The following DIAPH1 variants were observed in gnomAD, a reference collection of about 807,000 sequenced individuals.
DIAPH1 encodes diaphanous related formin 1.
In DIAPH1, 46 loss-of-function variants were observed where a neutral mutation model predicts 140.7. The observed-to-expected ratio is 0.33, with a 90% CI of 0.26 to 0.42. The LOEUF (loss-of-function observed/expected upper bound fraction) is 0.42, where lower values mean the gene tolerates loss of function less well. Among genes scored for constraint, DIAPH1 ranks in the 10% least tolerant of loss-of-function variants. The probability of loss-of-function intolerance (pLI) is 1.00; values close to 1 mark genes in which losing one functional copy is unlikely to be tolerated. For missense variants in DIAPH1, 1,310 were observed against 1,558.7 expected, an observed-to-expected ratio of 0.84 and a Z score of 2.69; for synonymous variants, 565 against 551.6, an observed-to-expected ratio of 1.02 and a Z score of -0.34.
intron 19 of DIAPH1, among the ~76,000 whole-genome samples, chr5:141,533,006 A>G (rs1424510399): frequency 6.6e-6 from 1 of 152,236 alleles, no homozygotes; most frequent in Non-Finnish European, 1.5e-5. Context: ...ATTTAAGATT[A>G]TATAATCAAG....
intron 2 of DIAPH1, 24 bp downstream of exon 2, chr5:141,588,200 A>G: frequency 1.9e-6 from 3 of 1,601,062 alleles, no homozygotes; most frequent in Non-Finnish European, 2.6e-6. Flanking sequence ...TAGAACATGC[A>G]CATGCTAAAC....
chr5:141,587,285 A>T, intron 2 of DIAPH1, 88 bp from the exon 3 acceptor site: 1 of 1,362,222 alleles, frequency 7.3e-7, no homozygotes, highest in Non-Finnish European at 1.0e-6. Flanking sequence ...TTAACCTCTT[A>T]CACAGGCATG....
At chr5:141,607,956 A>G (rs999941137) in intron 1 of DIAPH1, among the ~76,000 whole-genome samples, 1 of 152,230 alleles carries the variant, frequency 6.6e-6, no homozygotes, top group African/African-American at 2.4e-5. Context: ...CTAATTTTAC[A>G]AAAGATAAAA....
intron 18 of DIAPH1, among the ~76,000 whole-genome samples, chr5:141,553,853 AT>A (rs772170415): frequency 3.9e-5 from 6 of 152,030 alleles, no homozygotes; most frequent in African/African-American, 1.4e-4. Context: ...GGCTTAAAAC[AT>A]TTTTTTTAAG....
chr5:141,529,362 T>C, intron 20 of DIAPH1, 89 bp from the exon 21 acceptor site: 1 of 1,093,832 alleles, frequency 9.1e-7, no homozygotes, highest in South Asian at 1.3e-5. Flanking sequence ...AGTCCCACAC[T>C]CTGCTCAAGG....
At chr5:141,545,659 CA>C (rs2099890683) in intron 18 of DIAPH1, among the ~76,000 whole-genome samples, 1 of 151,840 alleles carries the variant, frequency 6.6e-6, no homozygotes, top group South Asian at 2.1e-4. Flanking sequence ...AAAGCAACAA[CA>C]AAAAACAGTG....
chr5:141,580,950 C>A lies in DIAPH1; in HGVS notation c.685-67G>T, dbSNP rs183981007. 7.8e-5 allele frequency: 125 copies of A among 1,604,098 alleles called. No individual in the cohort carries two copies. The African/African-American group carries it at 1.4e-3, about 18-fold the overall frequency. The stretch of plus-strand genomic sequence containing the variant: ...AGCATCTAACTGGGGGACAAGTTTA[C>A]GGGTTGTTATGGGTTGAATGGTGTC... On this transcript the variant is annotated intron_variant, in intron 7 of 27. Coordinates refer to ENST00000389054, the MANE Select transcript of DIAPH1 (RefSeq NM_005219.5).
intron 18 of DIAPH1, among the ~76,000 whole-genome samples, chr5:141,541,839 C>T (rs536721349): frequency 3.7e-4 from 56 of 152,186 alleles, no homozygotes; most frequent in African/African-American, 9.9e-4. Flanking sequence ...ACAAAAGTTA[C>T]GTGACCCAAC....
At chr5:141,607,379 G>A (rs763880273) in intron 1 of DIAPH1, among the ~76,000 whole-genome samples, 13 of 152,134 alleles carry the variant, frequency 8.5e-5, no homozygotes, top group South Asian at 4.1e-4. Flanking sequence ...TAAAAAGATC[G>A]ATGTATTAAA....
intron 18 of DIAPH1, among the ~76,000 whole-genome samples, chr5:141,546,338 C>T (rs527463254): frequency 9.9e-5 from 15 of 152,068 alleles, no homozygotes; most frequent in South Asian, 6.2e-4. Flanking sequence ...GCCAAAACTC[C>T]GTCTCAAAAA....
chr5:141,608,048 A>G (rs576780578), intron 1 of DIAPH1, among the ~76,000 whole-genome samples: 2 of 152,268 alleles, frequency 1.3e-5, no homozygotes, highest in African/African-American at 4.8e-5. Context: ...CTACATATGG[A>G]AAGAATAATT....
At position 141,527,704 on chromosome 5, in the gene DIAPH1, A is replaced by AG. The variant is rs768819209; in HGVS notation, c.3149-8_3149-7insC. On this transcript the variant is annotated splice_polypyrimidine_tract_variant and splice_region_variant and intron_variant, in intron 23 of 27. Coordinates refer to ENST00000389054, the MANE Select transcript of DIAPH1 (RefSeq NM_005219.5). ...TGCAAGTTTTCAGCAGAAACTAAAA[A>AG]AAAAAAAAAAAAAAAAAACCATAAA... The AG allele has an allele frequency of 3.9e-6, 6 of 1,533,564 alleles. No individual in the cohort carries two copies. In the East Asian group the frequency reaches 1.4e-4, roughly 35 times the overall value. 95.0% of individuals were successfully genotyped at this position (1,533,564 alleles called of 1,614,324 possible).
intron 7 of DIAPH1, among the ~76,000 whole-genome samples, chr5:141,581,416 T>C (rs1251982880): frequency 1.3e-5 from 2 of 152,216 alleles, no homozygotes; most frequent in Non-Finnish European, 2.9e-5. Context: ...AGGGGTAGAA[T>C]ACTTTTCCCA....
At chr5:141,542,627 T>C (rs1465836208) in intron 18 of DIAPH1, among the ~76,000 whole-genome samples, 1 of 152,198 alleles carries the variant, frequency 6.6e-6, no homozygotes, top group Non-Finnish European at 1.5e-5. Flanking sequence ...ATTTCACTTA[T>C]ATGAAATATT....
intron 18 of DIAPH1, among the ~76,000 whole-genome samples, chr5:141,550,906 C>G (rs1256422808): frequency 6.6e-6 from 1 of 152,198 alleles, no homozygotes; most frequent in South Asian, 2.1e-4. Context: ...GTCTTAACAT[C>G]CAAACCAAAT....
chr5:141,592,071 G>C (rs555620175), intron 1 of DIAPH1, among the ~76,000 whole-genome samples: 1 of 143,664 alleles, frequency 7.0e-6, no homozygotes, highest in East Asian at 2.0e-4. Context: ...GACAGAGCGA[G>C]ACTCTGTATC....
intron 16 of DIAPH1, among the ~76,000 whole-genome samples, chr5:141,573,268 C>G (rs997364212): frequency 6.6e-6 from 1 of 151,762 alleles, no homozygotes; most frequent in African/African-American, 2.4e-5. Context: ...AATCCCGTCT[C>G]TACTAAAAAT....
chr5:141,593,694 TCAA>T (rs923052016), intron 1 of DIAPH1, among the ~76,000 whole-genome samples: 6 of 152,188 alleles, frequency 3.9e-5, no homozygotes, highest in African/African-American at 1.4e-4. Flanking sequence ...CGAAAGAAGC[TCAA>T]CATCATATGT....
At chr5:141,531,635 G>A (rs2154595055) in intron 19 of DIAPH1, among the ~76,000 whole-genome samples, 1 of 152,140 alleles carries the variant, frequency 6.6e-6, no homozygotes, top group Non-Finnish European at 1.5e-5. Context: ...TTATAGGCGT[G>A]CTCCACCATG....
Sources: gnomAD v4.1 joint callset for allele counts (sites outside exome capture counted in the v4.1 genomes callset) on GRCh38, gnomAD v4.1.1 for gene constraint, MANE v1.5 for transcripts, NCBI Gene and HGNC (gene_info 2026-07-23, HGNC 2026-07-21) for gene names.